The following CFAP299 variants were observed in gnomAD, a reference collection of about 807,000 sequenced individuals.
CFAP299 encodes the protein cilia- and flagella-associated protein 299.
Under a neutral mutation model 27.0 loss-of-function variants are expected in CFAP299, and 21 were observed. That is an observed-to-expected ratio of 0.78 (90% CI 0.55 to 1.12). The LOEUF (loss-of-function observed/expected upper bound fraction) is 1.12, where lower values mean the gene tolerates loss of function less well. Ranked by LOEUF, CFAP299 falls within the 50% of genes most tolerant of loss-of-function variation. The probability of loss-of-function intolerance (pLI) is 0.00; values close to 1 mark genes in which losing one functional copy is unlikely to be tolerated. For missense variants in CFAP299, 310 were observed against 276.6 expected, an observed-to-expected ratio of 1.12 and a Z score of -0.86; for synonymous variants, 104 against 98.1, an observed-to-expected ratio of 1.06 and a Z score of -0.36.
At chr4:80,958,424 T>G (rs1367779622) in intron 5 of CFAP299, among the ~76,000 whole-genome samples, 2 of 152,114 alleles carry the variant, frequency 1.3e-5, no homozygotes, top group Admixed American at 6.6e-5. Flanking sequence ...TGCAGATCAC[T>G]AAATGGCCAT....
At chr4:80,489,296 T>A (rs1730993386) in intron 2 of CFAP299, among the ~76,000 whole-genome samples, 1 of 152,160 alleles carries the variant, frequency 6.6e-6, no homozygotes, top group African/African-American at 2.4e-5. Context: ...TGGCTGCAGC[T>A]TCTCACGCAT....
chr4:80,778,976 A>G (rs762447261), intron 3 of CFAP299, among the ~76,000 whole-genome samples: 2 of 152,118 alleles, frequency 1.3e-5, no homozygotes, highest in African/African-American at 2.4e-5. Context: ...AAACTATTGT[A>G]AAATAATAGC....
At chr4:80,707,648 TA>T (rs1293302801) in intron 3 of CFAP299, among the ~76,000 whole-genome samples, 1 of 152,080 alleles carries the variant, frequency 6.6e-6, no homozygotes, top group Admixed American at 6.6e-5. Flanking sequence ...AACTCTTTAT[TA>T]CTGTAGCCCA....
intron 4 of CFAP299, among the ~76,000 whole-genome samples, chr4:80,915,480 T>C (rs1399918624): frequency 1.3e-5 from 2 of 152,216 alleles, no homozygotes; most frequent in East Asian, 3.9e-4. Flanking sequence ...TGTAATTTTA[T>C]TTTTTACATG....
intron 2 of CFAP299, among the ~76,000 whole-genome samples, chr4:80,431,201 T>C (rs996015772): frequency 1.3e-5 from 2 of 152,156 alleles, no homozygotes; most frequent in Non-Finnish European, 2.9e-5. Flanking sequence ...GGGCAGGATG[T>C]TTTATCTGTT....
At chr4:80,942,842 C>A (rs886230622) in intron 4 of CFAP299, among the ~76,000 whole-genome samples, 4 of 152,168 alleles carry the variant, frequency 2.6e-5, no homozygotes, top group Non-Finnish European at 4.4e-5. Flanking sequence ...TTCCCCACTC[C>A]AATTTGGCAA....
At chr4:80,396,992 T>C (rs1328825154) in intron 2 of CFAP299, among the ~76,000 whole-genome samples, 2 of 152,186 alleles carry the variant, frequency 1.3e-5, no homozygotes, top group African/African-American at 4.8e-5. Flanking sequence ...AGAATTTGGC[T>C]GTGAATCCAT....
At chr4:80,570,779 C>T (rs1351556338) in intron 2 of CFAP299, among the ~76,000 whole-genome samples, 2 of 151,886 alleles carry the variant, frequency 1.3e-5, no homozygotes, top group Non-Finnish European at 2.9e-5. Context: ...CAGAAATGTA[C>T]ACATGTACAG....
intron 3 of CFAP299, among the ~76,000 whole-genome samples, chr4:80,852,145 C>T (rs1367663723): frequency 1.3e-5 from 2 of 152,080 alleles, no homozygotes; most frequent in African/African-American, 2.4e-5. Context: ...TTTTCTGTTT[C>T]TTCTCTTTAT....
intron 4 of CFAP299, 200 bp downstream of exon 4, chr4:80,870,335 T>C (rs1733008956): frequency 2.3e-5 from 29 of 1,241,582 alleles, no homozygotes; most frequent in Non-Finnish European, 2.9e-5. Context: ...AGAAAAAGGA[T>C]TCTTCAGAGA....
At chr4:80,951,306 G>A (rs1434329212) in intron 5 of CFAP299, among the ~76,000 whole-genome samples, 1 of 152,104 alleles carries the variant, frequency 6.6e-6, no homozygotes, top group African/African-American at 2.4e-5. Flanking sequence ...AAAACTTTCT[G>A]GATCCATGCT....
chr4:80,478,692 A>G (rs894133280), intron 2 of CFAP299, among the ~76,000 whole-genome samples: 1 of 151,962 alleles, frequency 6.6e-6, no homozygotes, highest in Non-Finnish European at 1.5e-5. Flanking sequence ...ATTTCCTTAC[A>G]TGTTTCTAAC....
intron 3 of CFAP299, among the ~76,000 whole-genome samples, chr4:80,786,386 A>G (rs1332538711): frequency 6.6e-6 from 1 of 152,140 alleles, no homozygotes. Context: ...TTACAACACT[A>G]TACACTTTAC....
intron 2 of CFAP299, among the ~76,000 whole-genome samples, chr4:80,546,321 A>G (rs1183903174): frequency 6.6e-6 from 1 of 152,172 alleles, no homozygotes; most frequent in African/African-American, 2.4e-5. Context: ...TAGCATTGCT[A>G]TACACCAATA....
intron 3 of CFAP299, among the ~76,000 whole-genome samples, chr4:80,810,812 T>C (rs942900078): frequency 1.3e-5 from 2 of 152,092 alleles, no homozygotes; most frequent in African/African-American, 4.8e-5. Context: ...CATCATCCCA[T>C]GCATCTTATA....
At chr4:80,916,185 C>T (rs1735740633) in intron 4 of CFAP299, among the ~76,000 whole-genome samples, 1 of 143,374 alleles carries the variant, frequency 7.0e-6, no homozygotes, top group African/African-American at 2.6e-5. Context: ...TCACTGAAAC[C>T]CAGGAGGCAG....
chr4:80,641,898 C>G (rs1394002510), intron 3 of CFAP299, among the ~76,000 whole-genome samples: 1 of 152,188 alleles, frequency 6.6e-6, no homozygotes, highest in Non-Finnish European at 1.5e-5. Context: ...TTGACAAGTA[C>G]TTAATGAATG....
chr4:80,693,247 C>T (rs1313652450), intron 3 of CFAP299, among the ~76,000 whole-genome samples: 2 of 151,986 alleles, frequency 1.3e-5, no homozygotes, highest in Admixed American at 6.6e-5. Context: ...CACATGTACA[C>T]GTATGTTTAT....
At chr4:80,674,533 G>T (rs1037164160) in intron 3 of CFAP299, among the ~76,000 whole-genome samples, 3 of 152,060 alleles carry the variant, frequency 2.0e-5, no homozygotes, top group East Asian at 3.9e-4. Context: ...TATCTTTGTG[G>T]TGTTCTCCAT....
Sources: allele counts gnomAD v4.1 joint callset (sites outside exome capture counted in the v4.1 genomes callset), GRCh38; gene constraint gnomAD v4.1.1; transcripts MANE v1.5; gene names NCBI Gene and HGNC (gene_info 2026-07-23, HGNC 2026-07-21).